Variants in ETV1 observed in about 807,000 individuals in gnomAD.
The protein encoded by ETV1 is ETS variant transcription factor 1, also known as ETS translocation variant 1.
A neutral mutation model predicts 62.3 loss-of-function variants in ETV1; 27 were observed. That is an observed-to-expected ratio of 0.43 (90% confidence interval 0.32 to 0.60). The LOEUF (loss-of-function observed/expected upper bound fraction) is 0.60, where lower values mean the gene tolerates loss of function less well. Ranked by LOEUF, ETV1 falls within the 20% of genes least tolerant of loss-of-function variation. The pLI is 0.06. For synonymous variants in ETV1, 222 were observed against 199.6 expected, an observed-to-expected ratio of 1.11 and a Z score of -0.94; for missense variants, 605 against 605.8, an observed-to-expected ratio of 1.00 and a Z score of 0.01.
chr7:13,941,218 C>A (rs1377110442), intron 6 of ETV1, among the ~76,000 whole-genome samples: 1 of 152,150 alleles, frequency 6.6e-6, no homozygotes, highest in African/African-American at 2.4e-5. Flanking sequence ...TTTGAACAAA[C>A]CAACTATAAA....
intron 6 of ETV1, among the ~76,000 whole-genome samples, chr7:13,970,705 A>C (rs1418883018): frequency 2.0e-5 from 3 of 152,124 alleles, no homozygotes; most frequent in Non-Finnish European, 4.4e-5. Flanking sequence ...CAACTTTATA[A>C]AGTACTCACT....
intron 8 of ETV1, among the ~76,000 whole-genome samples, chr7:13,932,880 A>T (rs1053178532): frequency 6.6e-6 from 1 of 152,230 alleles, no homozygotes; most frequent in Non-Finnish European, 1.5e-5. Context: ...AAAGCTAAAG[A>T]ATGGCAAAGC....
chr7:13,919,691 T>C (rs1213620120), intron 9 of ETV1, among the ~76,000 whole-genome samples: 1 of 152,110 alleles, frequency 6.6e-6, no homozygotes, highest in Non-Finnish European at 1.5e-5. Context: ...AAATGTTTTA[T>C]GAAATAAAAT....
chr7:13,941,375 G>C (rs1787483095), intron 6 of ETV1, among the ~76,000 whole-genome samples: 1 of 152,066 alleles, frequency 6.6e-6, no homozygotes, highest in South Asian at 2.1e-4. Context: ...AAAATATCCA[G>C]AATTTTCTTT....
intron 9 of ETV1, among the ~76,000 whole-genome samples, chr7:13,925,588 C>G (rs1583653476): frequency 1.4e-5 from 2 of 147,398 alleles, no homozygotes; most frequent in African/African-American, 2.5e-5. Flanking sequence ...TTTTTTGAGA[C>G]AGAGTCTCGC....
chr7:13,920,231 C>A (rs1784684251), intron 9 of ETV1, among the ~76,000 whole-genome samples: 1 of 152,144 alleles, frequency 6.6e-6, no homozygotes, highest in Non-Finnish European at 1.5e-5. Context: ...TCAGACCCAC[C>A]AGTTCCTGTT....
chr7:13,976,787 A>ATC (rs1240409118), intron 6 of ETV1, among the ~76,000 whole-genome samples: 1 of 152,180 alleles, frequency 6.6e-6, no homozygotes, highest in Non-Finnish European at 1.5e-5. Context: ...TACTCCATGC[A>ATC]TCACTCCTTG....
chr7:13,974,730 A>T (rs1269352024), intron 6 of ETV1: 1 of 152,260 alleles, frequency 6.6e-6, no homozygotes, highest in Non-Finnish European at 1.5e-5. Context: ...TTCAGTTTGG[A>T]TGGTGATGCC....
chr7:13,896,849 T>A (rs535466589), intron 13 of ETV1, among the ~76,000 whole-genome samples: 1 of 152,174 alleles, frequency 6.6e-6, no homozygotes, highest in Admixed American at 6.5e-5. Context: ...CCTGGGTACA[T>A]CACTTTTAAA....
intron 8 of ETV1, among the ~76,000 whole-genome samples, chr7:13,935,081 G>C (rs999065104): frequency 6.6e-6 from 1 of 152,166 alleles, no homozygotes; most frequent in Non-Finnish European, 1.5e-5. Flanking sequence ...AAGGAGTCAT[G>C]AATTACCTAA....
intron 9 of ETV1, among the ~76,000 whole-genome samples, chr7:13,914,776 T>C (rs1783970190): frequency 6.6e-6 from 1 of 152,220 alleles, no homozygotes; most frequent in Non-Finnish European, 1.5e-5. Context: ...AGGCACTCTC[T>C]GATTTGCATA....
chr7:13,975,693 T>A (rs2282867), intron 6 of ETV1, among the ~76,000 whole-genome samples: 113,579 of 150,136 alleles, frequency 0.76, 43,033 homozygotes, highest in African/African-American at 0.83. Context: ...TGGTCAAGGG[T>A]GTAAAAAACA....
chr7:13,948,469 T>A (rs988422809), intron 6 of ETV1, among the ~76,000 whole-genome samples: 16 of 152,302 alleles, frequency 1.1e-4, no homozygotes, highest in African/African-American at 3.4e-4. Context: ...CGTTTTCTGG[T>A]CTGTTCAAAA....
intron 11 of ETV1, among the ~76,000 whole-genome samples, chr7:13,907,425 T>C (rs1423356523): frequency 6.6e-6 from 1 of 152,152 alleles, no homozygotes; most frequent in Non-Finnish European, 1.5e-5. Context: ...CACAAAAAGT[T>C]TGTGTTATAT....
intron 13 of ETV1, among the ~76,000 whole-genome samples, chr7:13,898,431 T>G (rs55689802): frequency 0.056 from 8,507 of 152,264 alleles, 345 homozygotes; most frequent in African/African-American, 0.12. Flanking sequence ...AATTATATCA[T>G]CCAGAATATA....
intron 5 of ETV1, among the ~76,000 whole-genome samples, chr7:13,979,060 C>T (rs1296215882): frequency 6.6e-6 from 1 of 152,000 alleles, no homozygotes; most frequent in Non-Finnish European, 1.5e-5. Context: ...CATATTGCTC[C>T]AATATCTGAT....
At chr7:13,931,867 A>C in intron 8 of ETV1, 118 bp from the exon 9 acceptor site, 1 of 1,200,108 alleles carries the variant, frequency 8.3e-7, no homozygotes, top group Non-Finnish European at 1.2e-6. Context: ...CTGAAGCGTA[A>C]ATCTTTAACA....
At chr7:13,932,524 G>T (rs1030509582) in intron 8 of ETV1, among the ~76,000 whole-genome samples, 26 of 152,148 alleles carry the variant, frequency 1.7e-4, no homozygotes, top group African/African-American at 6.0e-4. Flanking sequence ...TAGGTTTGGG[G>T]CAAGTCCCGC....
At chr7:13,931,324 A>G (rs1786122383) in intron 9 of ETV1, among the ~76,000 whole-genome samples, 178 bp downstream of exon 9, 1 of 152,234 alleles carries the variant, frequency 6.6e-6, no homozygotes, top group Non-Finnish European at 1.5e-5. Context: ...ACCTCATGTC[A>G]AAATGACCTG....
Sources: gnomAD v4.1 joint callset for allele counts (sites outside exome capture counted in the v4.1 genomes callset) on GRCh38, gnomAD v4.1.1 for gene constraint, MANE v1.5 for transcripts, NCBI Gene and HGNC (gene_info 2026-07-23, HGNC 2026-07-21) for gene names.